The following RTN1 variants were observed in gnomAD, a reference collection of about 807,000 sequenced individuals.
The protein encoded by RTN1 is reticulon-1.
Under a neutral mutation model 65.5 loss-of-function variants are expected in RTN1, and 25 were observed. The ratio of observed to expected loss-of-function variants is 0.38; its 90% confidence interval spans 0.28 to 0.53. RTN1 has a LOEUF of 0.53. Among genes scored for constraint, RTN1 ranks in the 20% least tolerant of loss-of-function variants. The pLI, the probability that RTN1 is intolerant of heterozygous loss-of-function variation, is 0.79. For missense variants in RTN1, 983 were observed against 1,025.4 expected (o/e 0.96, Z 0.57); for synonymous variants, 471 against 447.6 (o/e 1.05, Z -0.66).
chr14:59,601,344 T>C (rs1295825507), intron 8 of RTN1, among the ~76,000 whole-genome samples: 1 of 144,898 alleles, frequency 6.9e-6, no homozygotes, highest in Non-Finnish European at 1.5e-5. Context: ...TTAATGGCTT[T>C]CCACTATCCT....
chr14:59,766,365 G>T lies in RTN1; in HGVS notation c.242-19884C>A, dbSNP rs1885850756. 6.6e-6 allele frequency among the ~76,000 whole-genome samples: 1 copy of T among 152,206 alleles called. No homozygotes were observed. The highest frequency in any genetic ancestry group is 1.5e-5 in the Non-Finnish European group (1 of 68,040). ...TAAATTTTCCTGTCCTAAGTGTGTA[G>T]AAACAGGCCAGAGTCAAGGTATACT... On this transcript the variant is annotated intron_variant, in intron 1 of 8. Coordinates refer to ENST00000267484, the MANE Select transcript of RTN1 (RefSeq NM_021136.3). This position sits in a 1 kb window ranked among gnomAD's most constrained non-coding sequence, Gnocchi z 4.4.
chr14:59,851,855 CAAA>C (rs5809049), intron 1 of RTN1, among the ~76,000 whole-genome samples: 9 of 88,176 alleles, frequency 1.0e-4, no homozygotes, highest in Non-Finnish European at 7.0e-5. Context: ...GACACAGTCT[CAAA>C]AAAAAAAAAA....
intron 5 of RTN1, 142 bp from the exon 6 acceptor site, chr14:59,604,063 T>A: frequency 3.7e-6 from 2 of 534,524 alleles, no homozygotes; most frequent in South Asian, 4.1e-5. Context: ...TGAAAGCTCA[T>A]CACAGAATCA....
intron 2 of RTN1, among the ~76,000 whole-genome samples, chr14:59,739,193 A>C (rs1408831730): frequency 6.6e-6 from 1 of 152,098 alleles, no homozygotes; most frequent in Non-Finnish European, 1.5e-5. Flanking sequence ...TTAGGCAGGC[A>C]TTAGTGGATC....
At chr14:59,685,492 A>G (rs566159583) in intron 3 of RTN1, among the ~76,000 whole-genome samples, 1 of 152,346 alleles carries the variant, frequency 6.6e-6, no homozygotes, top group African/African-American at 2.4e-5. Context: ...AAAATCACAT[A>G]CAAAAATGAG....
At chr14:59,768,499 T>A (rs750184840) in intron 1 of RTN1, among the ~76,000 whole-genome samples, 37 of 152,272 alleles carry the variant, frequency 2.4e-4, no homozygotes, top group Middle Eastern at 6.8e-3. Context: ...GTTGAATGCA[T>A]CCTGGCTCTT....
intron 3 of RTN1, among the ~76,000 whole-genome samples, chr14:59,713,243 G>A (rs1287113864): frequency 6.6e-6 from 1 of 152,182 alleles, no homozygotes; most frequent in African/African-American, 2.4e-5. Context: ...ACGGTGTCTT[G>A]AGGGAGGGAA....
At chr14:59,662,673 C>T (rs1883277315) in intron 3 of RTN1, among the ~76,000 whole-genome samples, 1 of 152,124 alleles carries the variant, frequency 6.6e-6, no homozygotes, top group Non-Finnish European at 1.5e-5. Context: ...ACAATTGCTA[C>T]AAAGAGAATA....
chr14:59,807,530 C>T (rs1015440481), intron 1 of RTN1, among the ~76,000 whole-genome samples: 1 of 152,174 alleles, frequency 6.6e-6, no homozygotes, highest in Non-Finnish European at 1.5e-5. Flanking sequence ...TTTCCTCTCC[C>T]GATGACCACC....
Position 59,849,521 on chromosome 14 carries a change from A to C in RTN1, c.241+20869T>G, listed in dbSNP as rs188986545. ...TCTTCTCCATTTAGATAAAGTTAAT[A>C]TGAGTCTTTTGGAAAATCCCCATAC... On this transcript the variant is annotated intron_variant, in intron 1 of 8. Coordinates refer to ENST00000267484, the MANE Select transcript of RTN1 (RefSeq NM_021136.3). The surrounding 1 kb of genome is among the most constrained non-coding windows in gnomAD (Gnocchi z 4.5). Among the ~76,000 whole-genome samples the C allele has an allele frequency of 4.8e-4, 73 of 152,340 alleles. 1 individual carries two copies. In the Middle Eastern group the frequency reaches 0.02, roughly 43 times the overall value.
intron 3 of RTN1, among the ~76,000 whole-genome samples, chr14:59,715,659 C>A (rs1884518131): frequency 6.6e-6 from 1 of 152,072 alleles, no homozygotes; most frequent in Non-Finnish European, 1.5e-5. Flanking sequence ...AACCCCATCT[C>A]TACTAATAAT....
chr14:59,693,691 T>C (rs772192786), intron 3 of RTN1, among the ~76,000 whole-genome samples: 14 of 152,240 alleles, frequency 9.2e-5, no homozygotes, highest in Non-Finnish European at 1.3e-4. Context: ...CATTATTTTG[T>C]TCCTTCCTGG....
intron 3 of RTN1, among the ~76,000 whole-genome samples, chr14:59,714,411 T>A (rs1884490254): frequency 6.6e-6 from 1 of 152,162 alleles, no homozygotes; most frequent in Non-Finnish European, 1.5e-5. Flanking sequence ...ATGGAAGGAA[T>A]TTTTTGTTGT....
intron 3 of RTN1, among the ~76,000 whole-genome samples, chr14:59,653,584 T>C (rs892165107): frequency 6.6e-6 from 1 of 151,752 alleles, no homozygotes; most frequent in African/African-American, 2.4e-5. Flanking sequence ...AAGCAATAAA[T>C]ATAAGCAATA....
At chr14:59,722,241 T>C (rs1247023735) in intron 3 of RTN1, among the ~76,000 whole-genome samples, 7 of 152,178 alleles carry the variant, frequency 4.6e-5, no homozygotes, top group Admixed American at 3.9e-4. Flanking sequence ...TAAATTAACA[T>C]GGACATACGG....
chr14:59,652,754 G>C (rs549753994), intron 3 of RTN1, among the ~76,000 whole-genome samples: 310 of 152,058 alleles, frequency 2.0e-3, no homozygotes, highest in Non-Finnish European at 2.6e-3. Context: ...GAAATAATCT[G>C]TAAGATAAGC....
intron 1 of RTN1, among the ~76,000 whole-genome samples, chr14:59,749,164 C>A (rs1160824312): frequency 3.1e-4 from 25 of 80,134 alleles, no homozygotes; most frequent in African/African-American, 1.5e-3. Flanking sequence ...CTATATCTAT[C>A]TATATATCTA....
chr14:59,713,618 G>T (rs969034430), intron 3 of RTN1, among the ~76,000 whole-genome samples: 11 of 152,250 alleles, frequency 7.2e-5, no homozygotes, highest in Middle Eastern at 3.4e-3. Flanking sequence ...TCACTGCTTC[G>T]CCCAATTCAG....
rs78997973 is a variant in RTN1, at chr14:59,853,537, T to C, written c.241+16853A>G. The stretch of plus-strand genomic sequence containing the variant: ...TCAACCAGAGTCAAGATTTCTACTA[T>C]GACTTCTACCCCGGCATTCAGTGCA... On this transcript the variant is annotated intron_variant, in intron 1 of 8. Coordinates refer to ENST00000267484, the MANE Select transcript of RTN1 (RefSeq NM_021136.3). Among the ~76,000 whole-genome samples the C allele has an allele frequency of 7.6e-3, 1,151 of 152,318 alleles. 11 individuals carry two copies. The highest frequency in any genetic ancestry group is 0.02 in the East Asian group (103 of 5,182).
Sources: allele counts gnomAD v4.1 joint callset (sites outside exome capture counted in the v4.1 genomes callset), GRCh38; gene constraint gnomAD v4.1.1; non-coding constraint Gnocchi (gnomAD v3.1); transcripts MANE v1.5; gene names NCBI Gene and HGNC (gene_info 2026-07-23, HGNC 2026-07-21).